Variants in EHD4 observed in about 807,000 individuals in gnomAD.
The protein encoded by EHD4 is EH domain-containing protein 4.
Under a neutral mutation model 51.0 loss-of-function variants are expected in EHD4, and 37 were observed. That is an observed-to-expected ratio of 0.73 (90% CI 0.56 to 0.95). EHD4 has a LOEUF of 0.95. Among genes scored for constraint, EHD4 ranks in the 40% least tolerant of loss-of-function variants. The pLI, the probability that EHD4 is intolerant of heterozygous loss-of-function variation, is 0.00. For synonymous variants in EHD4, 297 were observed against 317.3 expected, an observed-to-expected ratio of 0.94 and a Z score of 0.68; for missense variants, 632 against 733.1, an observed-to-expected ratio of 0.86 and a Z score of 1.59.
intron 3 of EHD4, chr15:41,928,722 T>C (rs1335348942): frequency 6.6e-6 from 1 of 152,168 alleles, no homozygotes; most frequent in Non-Finnish European, 1.5e-5. Context: ...CTATGGTGGG[T>C]GTGCCGAGCA....
intron 4 of EHD4, among the ~76,000 whole-genome samples, chr15:41,918,331 T>C (rs2067599810): frequency 6.6e-6 from 1 of 152,192 alleles, no homozygotes; most frequent in Non-Finnish European, 1.5e-5. Context: ...GGCCTGGGAA[T>C]GTATGTTGCT....
At chr15:41,921,874 A>G (rs1050591621) in intron 3 of EHD4, 2 of 152,136 alleles carry the variant, frequency 1.3e-5, no homozygotes, top group African/African-American at 4.8e-5. Context: ...TGTGATCTAG[A>G]GTTAGACATT....
intron 2 of EHD4, among the ~76,000 whole-genome samples, chr15:41,944,475 A>C (rs569145547): frequency 6.6e-6 from 1 of 152,302 alleles, no homozygotes; most frequent in East Asian, 1.9e-4. Context: ...CAAAGTAAAA[A>C]TGCTGGGAAT....
chr15:41,967,506 T>G (rs1235227750), intron 1 of EHD4, among the ~76,000 whole-genome samples: 1 of 152,222 alleles, frequency 6.6e-6, no homozygotes, highest in East Asian at 1.9e-4. Context: ...AAATTAAATA[T>G]CTCAATATTT....
At chr15:41,903,695 C>A (rs118034017) in intron 5 of EHD4, among the ~76,000 whole-genome samples, 2 of 152,074 alleles carry the variant, frequency 1.3e-5, no homozygotes, top group Admixed American at 1.3e-4. Context: ...GGTGGCAGGG[C>A]AGGAATTCTG....
intron 3 of EHD4, among the ~76,000 whole-genome samples, chr15:41,938,410 T>A (rs1388714594): frequency 6.6e-6 from 1 of 152,262 alleles, no homozygotes; most frequent in Non-Finnish European, 1.5e-5. Context: ...CCCGTCATGT[T>A]ACCTGAAGTG....
chr15:41,896,199 ATGT>A lies in EHD4; in HGVS notation c.*4443_*4445del, dbSNP rs1297377428. The A allele has an allele frequency of 1.3e-5, 2 of 152,164 alleles. No individual in the cohort carries two copies. The highest frequency in any genetic ancestry group is 2.4e-5 in the African/African-American group (1 of 41,420). 9.4% of individuals were successfully genotyped at this position (152,164 alleles called of 1,614,324 possible). On this transcript the variant is annotated 3_prime_UTR_variant, in exon 6 of 6. Coordinates refer to ENST00000220325, the MANE Select transcript of EHD4 (RefSeq NM_139265.4). ...GGTGAGGTTTGATCCAGCAGCTCAA[ATGT>A]TGTCACCACAGGCCTGGATTCCTCT...
chr15:41,958,510 T>C (rs1303783981), intron 1 of EHD4, among the ~76,000 whole-genome samples: 3 of 152,282 alleles, frequency 2.0e-5, no homozygotes, highest in African/African-American at 7.2e-5. Context: ...CTTCTTTTTT[T>C]CATTGCTTAG....
intron 2 of EHD4, among the ~76,000 whole-genome samples, chr15:41,945,615 C>T (rs2067806667): frequency 1.3e-5 from 2 of 152,178 alleles, no homozygotes; most frequent in Admixed American, 1.3e-4. Context: ...GGGTGAGGGG[C>T]AGGCAAGAGA....
chr15:41,960,063 C>T (rs1274321927), intron 1 of EHD4, among the ~76,000 whole-genome samples: 1 of 151,884 alleles, frequency 6.6e-6, no homozygotes, highest in Non-Finnish European at 1.5e-5. Context: ...CTTCCAAAGT[C>T]TTACAAGATA....
chr15:41,909,564 A>T, intron 5 of EHD4, 135 bp downstream of exon 5: 1 of 1,047,090 alleles, frequency 9.6e-7, no homozygotes, highest in Non-Finnish European at 1.4e-6. Context: ...GCCTATTATC[A>T]TGGATCACCA....
In EHD4 at chr15:41,900,458, A is replaced by T; in HGVS notation, c.*187T>A. 1.6e-6 allele frequency: 1 copy of T among 621,934 alleles called. No individual in the cohort carries two copies. Among genetic ancestry groups the T allele is most frequent in the Non-Finnish European group, 2.7e-6 (1 of 363,790 alleles). The allele number at this position is 621,934 out of a possible 1,614,324, so 38.5% of individuals were successfully genotyped here. A position where few individuals can be genotyped will look rare whatever the true frequency, so the allele number is the denominator to read the frequency against. On this transcript the variant is annotated 3_prime_UTR_variant, in exon 6 of 6. Coordinates refer to ENST00000220325, the MANE Select transcript of EHD4 (RefSeq NM_139265.4). This position sits in a 1 kb window ranked among gnomAD's most constrained non-coding sequence, Gnocchi z 4.8. The stretch of plus-strand genomic sequence containing the variant: ...CCCCCTACCCCCAATATTTTCATAG[A>T]AACTAAGGGAATTTTGGAGGTGAAA...
chr15:41,964,562 C>T (rs2067949158), intron 1 of EHD4, among the ~76,000 whole-genome samples: 1 of 152,028 alleles, frequency 6.6e-6, no homozygotes. Context: ...GCTATGATGG[C>T]ATCACTGTAC....
At chr15:41,948,563 TTAAAAAA>T (rs2067830738) in intron 2 of EHD4, among the ~76,000 whole-genome samples, 1 of 152,144 alleles carries the variant, frequency 6.6e-6, no homozygotes, top group Admixed American at 6.5e-5. Context: ...TTCCCTCAGA[TTAAAAAA>T]AAATTATTTT....
chr15:41,961,086 T>G (rs764010895), intron 1 of EHD4, among the ~76,000 whole-genome samples: 2 of 152,242 alleles, frequency 1.3e-5, no homozygotes, highest in African/African-American at 2.4e-5. Flanking sequence ...TTGAAACTGC[T>G]GTGCCTACTA....
chr15:41,910,510 C>T (rs2067542604), intron 4 of EHD4, among the ~76,000 whole-genome samples: 1 of 152,144 alleles, frequency 6.6e-6, no homozygotes, highest in African/African-American at 2.4e-5. Flanking sequence ...TCAACATTTC[C>T]ACTCTTCTAC....
intron 3 of EHD4, among the ~76,000 whole-genome samples, chr15:41,941,415 A>G (rs1193182703): frequency 6.6e-6 from 1 of 152,216 alleles, no homozygotes; most frequent in East Asian, 1.9e-4. Flanking sequence ...CGCAGGAAAA[A>G]GTCTCTAAGA....
intron 5 of EHD4, among the ~76,000 whole-genome samples, chr15:41,903,869 T>C (rs977246664): frequency 3.9e-5 from 6 of 152,188 alleles, no homozygotes; most frequent in Non-Finnish European, 8.8e-5. Flanking sequence ...GTGTGGCCCC[T>C]GCTCAGCTCA....
chr15:41,949,771 T>C (rs2067840748), intron 2 of EHD4, among the ~76,000 whole-genome samples: 1 of 152,128 alleles, frequency 6.6e-6, no homozygotes, highest in South Asian at 2.1e-4. Flanking sequence ...GCTATCTGAA[T>C]TTGAAAATAT....
Sources: gnomAD v4.1 joint callset for allele counts (sites outside exome capture counted in the v4.1 genomes callset) on GRCh38, gnomAD v4.1.1 for gene constraint, Gnocchi (gnomAD v3.1) non-coding constraint, MANE v1.5 for transcripts, NCBI Gene and HGNC (gene_info 2026-07-23, HGNC 2026-07-21) for gene names.